The following LRMDA variants were observed in gnomAD, a reference collection of about 807,000 sequenced individuals.
LRMDA encodes leucine rich melanocyte differentiation associated.
A neutral mutation model predicts 29.8 loss-of-function variants in LRMDA; 18 were observed. The observed-to-expected ratio is 0.60, with a 90% CI of 0.42 to 0.90. LRMDA has a LOEUF of 0.90. LRMDA is among the 40% of genes least tolerant of loss of function. The pLI is 0.00. For synonymous variants in LRMDA, 125 were observed against 109.4 expected, an observed-to-expected ratio of 1.14 and a Z score of -0.89; for missense variants, 273 against 273.9, an observed-to-expected ratio of 1.00 and a Z score of 0.02.
chr10:76,000,564 T>G (rs1469092298), intron 2 of LRMDA, among the ~76,000 whole-genome samples: 1 of 152,166 alleles, frequency 6.6e-6, no homozygotes, highest in Non-Finnish European at 1.5e-5. Flanking sequence ...TGGAGCAGCC[T>G]CATTCAGGGG....
chr10:76,407,454 G>A (rs1032039385), intron 6 of LRMDA, among the ~76,000 whole-genome samples: 4 of 152,126 alleles, frequency 2.6e-5, no homozygotes, highest in Non-Finnish European at 1.5e-5. Context: ...TAATGTTCTA[G>A]AAGTTACTGG....
intron 6 of LRMDA, among the ~76,000 whole-genome samples, chr10:76,544,231 G>T (rs1325411110): frequency 6.6e-6 from 1 of 152,182 alleles, no homozygotes; most frequent in African/African-American, 2.4e-5. Flanking sequence ...AACTGTCGGA[G>T]CCAGATGTAT....
intron 6 of LRMDA, among the ~76,000 whole-genome samples, chr10:76,549,443 G>A (rs567781483): frequency 3.1e-4 from 47 of 152,298 alleles, no homozygotes; most frequent in African/African-American, 1.1e-3. Flanking sequence ...ACGGGTCTGA[G>A]CATTGGAGTC....
chr10:76,284,812 G>C (rs1840251280), intron 5 of LRMDA, among the ~76,000 whole-genome samples: 1 of 152,100 alleles, frequency 6.6e-6, no homozygotes, highest in Non-Finnish European at 1.5e-5. Flanking sequence ...ACTCTCATGA[G>C]ATCTGCTGGT....
At chr10:76,064,591 A>G (rs1348559369) in intron 5 of LRMDA, among the ~76,000 whole-genome samples, 1 of 152,202 alleles carries the variant, frequency 6.6e-6, no homozygotes, top group Non-Finnish European at 1.5e-5. Context: ...ACTAAGTGCT[A>G]TCTTATTCTA....
chr10:75,764,513 A>G (rs1046641108), intron 2 of LRMDA, among the ~76,000 whole-genome samples: 3 of 152,230 alleles, frequency 2.0e-5, no homozygotes, highest in African/African-American at 7.2e-5. Flanking sequence ...CATGGTAGAC[A>G]GGAAGTACAC....
At chr10:75,996,497 T>G (rs1847464655) in intron 2 of LRMDA, among the ~76,000 whole-genome samples, 1 of 152,204 alleles carries the variant, frequency 6.6e-6, no homozygotes, top group Non-Finnish European at 1.5e-5. Context: ...TCTACTTGTA[T>G]AAGATGCTGG....
At chr10:75,629,615 CT>C (rs5786182) in intron 2 of LRMDA, among the ~76,000 whole-genome samples, 104,126 of 151,388 alleles carry the variant, frequency 0.69, 36,275 homozygotes, top group East Asian at 0.79. Flanking sequence ...ATTAAGTCCT[CT>C]TTTTTTTTTA....
intron 6 of LRMDA, among the ~76,000 whole-genome samples, chr10:76,426,615 C>T (rs187982112): frequency 6.6e-6 from 1 of 152,346 alleles, no homozygotes; most frequent in African/African-American, 2.4e-5. Context: ...AATTAGATCC[C>T]ATTTGTCAAT....
chr10:75,507,741 G>A (rs1845185170), intron 2 of LRMDA, among the ~76,000 whole-genome samples: 2 of 152,194 alleles, frequency 1.3e-5, no homozygotes, highest in African/African-American at 4.8e-5. Context: ...ACACAGAATA[G>A]TTCTAGGGAC....
intron 2 of LRMDA, among the ~76,000 whole-genome samples, chr10:75,576,248 A>C (rs1250806234): frequency 6.6e-6 from 1 of 152,180 alleles, no homozygotes; most frequent in South Asian, 2.1e-4. Context: ...AAACAAAGCC[A>C]CCAGGAAGTT....
intron 6 of LRMDA, among the ~76,000 whole-genome samples, chr10:76,382,372 A>G (rs555055014): frequency 2.0e-5 from 3 of 152,342 alleles, no homozygotes; most frequent in East Asian, 1.9e-4. Context: ...ATGATTTTCC[A>G]CCAACAACAC....
intron 5 of LRMDA, among the ~76,000 whole-genome samples, chr10:76,079,805 C>T (rs1849021110): frequency 6.6e-6 from 1 of 152,246 alleles, no homozygotes; most frequent in South Asian, 2.1e-4. Flanking sequence ...TAAGTCATTT[C>T]ATGTCAGCTT....
chr10:76,099,129 T>C (rs961832851), intron 5 of LRMDA, among the ~76,000 whole-genome samples: 2 of 152,248 alleles, frequency 1.3e-5, no homozygotes, highest in Non-Finnish European at 2.9e-5. Flanking sequence ...TTTCTAATCT[T>C]GTAGCTAATA....
chr10:76,350,050 T>A (rs949595050), intron 6 of LRMDA, among the ~76,000 whole-genome samples: 2 of 151,960 alleles, frequency 1.3e-5, no homozygotes, highest in African/African-American at 2.4e-5. Flanking sequence ...ATCCTTTATA[T>A]AAAGCTTGAA....
chr10:75,908,768 C>T (rs17435126), intron 2 of LRMDA, among the ~76,000 whole-genome samples: 17,688 of 152,192 alleles, frequency 0.12, 1,165 homozygotes, highest in Middle Eastern at 0.3. Context: ...AGGCTCTACA[C>T]GCGCTCTTTC....
intron 6 of LRMDA, among the ~76,000 whole-genome samples, chr10:76,436,421 A>T (rs1484219163): frequency 6.6e-6 from 1 of 152,198 alleles, no homozygotes; most frequent in Non-Finnish European, 1.5e-5. Context: ...GGGGTTCCAC[A>T]TGAGCCCTGT....
At chr10:76,117,968 C>T (rs908146611) in intron 5 of LRMDA, among the ~76,000 whole-genome samples, 1 of 152,164 alleles carries the variant, frequency 6.6e-6, no homozygotes, top group Non-Finnish European at 1.5e-5. Flanking sequence ...CACAATAAAA[C>T]CTCATCTTTT....
Position 76,487,719 on chromosome 10 carries a change from T to G in LRMDA, c.602-69490T>G, listed in dbSNP as rs554495525. On this transcript the variant is annotated intron_variant, in intron 6 of 6. Transcript: ENST00000611255. The stretch of plus-strand genomic sequence containing the variant: ...CAACTAAAGCTAACTTGGATTGAGC[T>G]CTTTCTATATGCCAAACACAAATGA... Among the ~76,000 whole-genome samples, 6 of 152,038 alleles carry G rather than the reference T, an allele frequency of 3.9e-5. 1 individual carries two copies. The highest frequency in any genetic ancestry group is 1.4e-4 in the African/African-American group (6 of 41,550).
Sources: allele counts gnomAD v4.1 joint callset (sites outside exome capture counted in the v4.1 genomes callset), GRCh38; gene constraint gnomAD v4.1.1; transcripts MANE v1.5; gene names NCBI Gene and HGNC (gene_info 2026-07-23, HGNC 2026-07-21).